The following UNC5C variants were observed in gnomAD, a reference collection of about 807,000 sequenced individuals.
The protein encoded by UNC5C is unc-5 netrin receptor C, also known as netrin receptor UNC5C.
In UNC5C, 47 loss-of-function variants were observed where a neutral mutation model predicts 99.8. That is an observed-to-expected ratio of 0.47 (90% CI 0.37 to 0.60). The LOEUF is 0.60. Ranked by LOEUF, UNC5C falls within the 20% of genes least tolerant of loss-of-function variation. The probability of loss-of-function intolerance (pLI) is 0.00; values close to 1 mark genes in which losing one functional copy is unlikely to be tolerated. For missense variants in UNC5C, 1,062 were observed against 1,165.9 expected (o/e 0.91, Z 1.30); for synonymous variants, 487 against 452.2 (o/e 1.08, Z -0.98).
At chr4:95,203,707 A>G (rs1268991306) in intron 11 of UNC5C, among the ~76,000 whole-genome samples, 1 of 152,078 alleles carries the variant, frequency 6.6e-6, no homozygotes, top group Non-Finnish European at 1.5e-5. Context: ...GAAGCGACCC[A>G]CTTGCCTTGG....
intron 11 of UNC5C, among the ~76,000 whole-genome samples, chr4:95,203,455 TTTTA>T (rs1352587576): frequency 2.0e-5 from 3 of 152,094 alleles, no homozygotes; most frequent in African/African-American, 4.8e-5. Context: ...AGTATACTTC[TTTTA>T]TTTATTTATT....
intron 1 of UNC5C, among the ~76,000 whole-genome samples, chr4:95,340,543 T>A (rs1193699029): frequency 2.0e-5 from 3 of 151,902 alleles, no homozygotes; most frequent in African/African-American, 7.3e-5. Flanking sequence ...AAGACTATGG[T>A]CTATATTTCA....
intron 1 of UNC5C, among the ~76,000 whole-genome samples, chr4:95,522,053 T>A (rs1722374363): frequency 6.6e-6 from 1 of 152,142 alleles, no homozygotes. Context: ...TAGTTTAATA[T>A]AATTGTATAT....
intron 1 of UNC5C, among the ~76,000 whole-genome samples, chr4:95,419,211 C>A (rs2149455380): frequency 6.6e-6 from 1 of 152,146 alleles, no homozygotes; most frequent in East Asian, 1.9e-4. Flanking sequence ...TCTAAGTATA[C>A]CACCAAGCTT....
chr4:95,244,498 T>C (rs1020244671), intron 6 of UNC5C, among the ~76,000 whole-genome samples: 1 of 152,192 alleles, frequency 6.6e-6, no homozygotes, highest in African/African-American at 2.4e-5. Flanking sequence ...CCAAAAAACT[T>C]TGCATTCCTT....
intron 1 of UNC5C, among the ~76,000 whole-genome samples, chr4:95,354,480 T>TATATATATATATATATA (rs760696053): frequency 1.8e-4 from 19 of 105,592 alleles, no homozygotes; most frequent in African/African-American, 3.3e-4. Flanking sequence ...TATATATATA[T>TATATATATATATATATA]TTTTTTTTTT....
intron 2 of UNC5C, among the ~76,000 whole-genome samples, chr4:95,335,151 G>T (rs555270594): frequency 6.6e-6 from 1 of 151,938 alleles, no homozygotes; most frequent in South Asian, 2.1e-4. Flanking sequence ...CTATTCATTC[G>T]CATTATTTAT....
intron 7 of UNC5C, among the ~76,000 whole-genome samples, chr4:95,230,141 T>C (rs1738856079): frequency 6.6e-6 from 1 of 152,134 alleles, no homozygotes; most frequent in African/African-American, 2.4e-5. Flanking sequence ...ATCACCATTC[T>C]AACTGGTGTG....
chr4:95,238,375 A>G (rs751734201), intron 7 of UNC5C, among the ~76,000 whole-genome samples: 6 of 152,156 alleles, frequency 3.9e-5, no homozygotes, highest in Admixed American at 6.5e-5. Context: ...CATTTTAGCT[A>G]TAACAGTGGA....
chr4:95,276,263 A>T (rs1740856833), intron 4 of UNC5C, among the ~76,000 whole-genome samples: 1 of 152,166 alleles, frequency 6.6e-6, no homozygotes, highest in Admixed American at 6.5e-5. Context: ...TGTATGTTTG[A>T]TCTCTCTTCT....
intron 3 of UNC5C, among the ~76,000 whole-genome samples, chr4:95,291,044 CT>C (rs1184654990): frequency 6.6e-6 from 1 of 152,072 alleles, no homozygotes; most frequent in African/African-American, 2.4e-5. Flanking sequence ...TATTTCTTGA[CT>C]TTTGGGCATT....
chr4:95,309,172 A>T (rs921113115), intron 2 of UNC5C, among the ~76,000 whole-genome samples: 1 of 152,202 alleles, frequency 6.6e-6, no homozygotes, highest in Admixed American at 6.5e-5. Context: ...CCAAGAATAC[A>T]CAATGGGGAA....
In UNC5C at chr4:95,442,393, A is replaced by G. The variant is rs1746975814; in HGVS notation, c.124+106341T>C. ...AATTTTTTTTTTTTTTTTTTTGTAG[A>G]GACAGGGTATCACTATGTTGCCCAG... On this transcript the variant is annotated intron_variant, in intron 1 of 15. Transcript: ENST00000453304. 3.1e-5 allele frequency among the ~76,000 whole-genome samples: 4 copies of G among 128,256 alleles called. No individual in the cohort carries two copies. In the South Asian group the frequency reaches 9.8e-4, roughly 31 times the overall value. The allele number at this position is 128,256 out of a possible 152,430, so 84.1% of individuals were successfully genotyped here.
At chr4:95,249,945 T>C (rs886534739) in intron 5 of UNC5C, among the ~76,000 whole-genome samples, 1 of 152,178 alleles carries the variant, frequency 6.6e-6, no homozygotes, top group African/African-American at 2.4e-5. Context: ...GGGTTTGCAA[T>C]GATAAGACTG....
chr4:95,177,415 C>T (rs879492943), intron 14 of UNC5C, among the ~76,000 whole-genome samples: 1 of 151,996 alleles, frequency 6.6e-6, no homozygotes, highest in Non-Finnish European at 1.5e-5. Flanking sequence ...GAGCGCCCCC[C>T]ATATGCTGCC....
intron 2 of UNC5C, among the ~76,000 whole-genome samples, chr4:95,325,940 A>T (rs1235986473): frequency 6.6e-6 from 1 of 152,166 alleles, no homozygotes; most frequent in East Asian, 1.9e-4. Context: ...GCTCTTTTTT[A>T]GACTAACTGT....
At chr4:95,396,413 T>A (rs1367596831) in intron 1 of UNC5C, among the ~76,000 whole-genome samples, 1 of 152,116 alleles carries the variant, frequency 6.6e-6, no homozygotes, top group Admixed American at 6.5e-5. Context: ...CAGGGAAATA[T>A]CTCTACTTGT....
At chr4:95,306,508 G>A (rs1560778881) in intron 2 of UNC5C, among the ~76,000 whole-genome samples, 1 of 151,940 alleles carries the variant, frequency 6.6e-6, no homozygotes, top group Non-Finnish European at 1.5e-5. Flanking sequence ...GCCTCTTCAT[G>A]TATTTTATAA....
chr4:95,265,250 T>C (rs1000188405), intron 4 of UNC5C, among the ~76,000 whole-genome samples: 1 of 152,142 alleles, frequency 6.6e-6, no homozygotes, highest in African/African-American at 2.4e-5. Context: ...ATACTTCCAA[T>C]TACTTTTTAG....
Sources: gnomAD v4.1 joint callset for allele counts (sites outside exome capture counted in the v4.1 genomes callset) on GRCh38, gnomAD v4.1.1 for gene constraint, MANE v1.5 for transcripts, NCBI Gene and HGNC (gene_info 2026-07-23, HGNC 2026-07-21) for gene names.